FRMD5: variants seen among roughly 807,000 people sequenced by gnomAD.
FRMD5 encodes FERM domain containing 5.
Under a neutral mutation model 69.0 loss-of-function variants are expected in FRMD5, and 20 were observed. The observed-to-expected ratio is 0.29, with a 90% CI of 0.20 to 0.42. The LOEUF (loss-of-function observed/expected upper bound fraction) is 0.42. FRMD5 is among the 10% of genes least tolerant of loss of function. The pLI is 1.00. For missense variants in FRMD5, 595 were observed against 708.6 expected, an observed-to-expected ratio of 0.84 and a Z score of 1.82; for synonymous variants, 271 against 260.1, an observed-to-expected ratio of 1.04 and a Z score of -0.40.
At chr15:44,008,198 G>T (rs1449086082) in intron 1 of FRMD5, among the ~76,000 whole-genome samples, 1 of 149,252 alleles carries the variant, frequency 6.7e-6, no homozygotes, top group Non-Finnish European at 1.5e-5. Flanking sequence ...TTTCTGAAGT[G>T]CTGGGATTAC....
At chr15:44,159,110 A>G (rs77706694) in intron 1 of FRMD5, among the ~76,000 whole-genome samples, 1 of 151,826 alleles carries the variant, frequency 6.6e-6, no homozygotes, top group Non-Finnish European at 1.5e-5. Flanking sequence ...TATTCAGAGG[A>G]AAAAGACACA....
intron 1 of FRMD5, among the ~76,000 whole-genome samples, chr15:43,953,228 T>G (rs1250796990): frequency 6.6e-6 from 1 of 152,206 alleles, no homozygotes; most frequent in African/African-American, 2.4e-5. Context: ...GCTAAAGAGT[T>G]CTCAGGGCTT....
At chr15:43,999,328 A>G (rs1890076398) in intron 1 of FRMD5, among the ~76,000 whole-genome samples, 10 of 152,220 alleles carry the variant, frequency 6.6e-5, no homozygotes, top group Admixed American at 6.5e-4. Flanking sequence ...TTGGCCTCCC[A>G]AAGTGCTAGG....
intron 1 of FRMD5, among the ~76,000 whole-genome samples, chr15:44,131,100 T>A (rs957644304): frequency 3.3e-5 from 5 of 152,166 alleles, no homozygotes; most frequent in African/African-American, 7.2e-5. Flanking sequence ...CTGCCAAGGT[T>A]AGTGCTATCC....
intron 1 of FRMD5, among the ~76,000 whole-genome samples, chr15:44,121,589 C>A (rs979148160): frequency 1.3e-5 from 2 of 151,846 alleles, no homozygotes; most frequent in Admixed American, 6.6e-5. Flanking sequence ...CAAGCTTGAC[C>A]CTTTCTCTCT....
chr15:43,902,975 G>GCTCCCAT (rs1373258930), intron 6 of FRMD5, among the ~76,000 whole-genome samples: 4 of 152,188 alleles, frequency 2.6e-5, no homozygotes, highest in African/African-American at 7.2e-5. Flanking sequence ...ACAGTGCTGA[G>GCTCCCAT]CTCCCATGCT....
At chr15:44,086,785 A>G (rs1055189126) in intron 1 of FRMD5, among the ~76,000 whole-genome samples, 5 of 152,196 alleles carry the variant, frequency 3.3e-5, no homozygotes, top group African/African-American at 1.2e-4. Flanking sequence ...GAGATATTTA[A>G]AGAGTAGGAC....
chr15:43,951,107 T>G (rs2090019177), intron 1 of FRMD5, among the ~76,000 whole-genome samples: 1 of 152,156 alleles, frequency 6.6e-6, no homozygotes, highest in Non-Finnish European at 1.5e-5. Flanking sequence ...AAAAATCTGT[T>G]CTTCTACCAT....
chr15:43,875,191 T>C (rs1003302669), intron 13 of FRMD5, among the ~76,000 whole-genome samples: 15 of 151,724 alleles, frequency 9.9e-5, no homozygotes, highest in Admixed American at 2.0e-4. Flanking sequence ...AGCAAGACTC[T>C]GCCTCGGGGC....
rs1215710632 is a variant in FRMD5 at position 43,873,329 on chromosome 15, T to G, written c.*556A>C. 1.3e-6 allele frequency: 2 copies of G among 1,494,506 alleles called. No individual in the cohort carries two copies. The highest frequency in any genetic ancestry group is 2.4e-5 in the Admixed American group (1 of 41,026). 92.6% of individuals were successfully genotyped at this position (1,494,506 alleles called of 1,614,324 possible). On this transcript the variant is annotated 3_prime_UTR_variant, in exon 14 of 14. Coordinates refer to ENST00000417257, the MANE Select transcript of FRMD5 (RefSeq NM_032892.5). ...ACATGGATGTTTACTTTTTTAAAAG[T>G]TCTGGCTGGCAAAAAAAACAAACAA... is the stretch of plus-strand genomic sequence containing the variant.
intron 4 of FRMD5, chr15:43,919,215 G>A (rs781189936): frequency 3.1e-6 from 2 of 646,142 alleles, no homozygotes; most frequent in South Asian, 1.5e-5. Flanking sequence ...CCCTTTGAGA[G>A]TGACCAGTTC....
intron 1 of FRMD5, among the ~76,000 whole-genome samples, chr15:44,142,225 C>A (rs2077284862): frequency 6.6e-6 from 1 of 152,146 alleles, no homozygotes; most frequent in Non-Finnish European, 1.5e-5. Context: ...GCAATCAGTC[C>A]ATATTTTTCT....
At chr15:44,069,087 T>C (rs979529064) in intron 1 of FRMD5, among the ~76,000 whole-genome samples, 2 of 152,138 alleles carry the variant, frequency 1.3e-5, no homozygotes, top group African/African-American at 4.8e-5. Context: ...AGATGTTCAA[T>C]AACATTAGCA....
intron 1 of FRMD5, among the ~76,000 whole-genome samples, chr15:43,984,667 C>T (rs913674734): frequency 5.3e-5 from 8 of 152,146 alleles, no homozygotes; most frequent in Non-Finnish European, 1.0e-4. Flanking sequence ...TTGTATCCCA[C>T]AGGATGGAAA....
At chr15:43,900,034 T>C (rs1228369802) in intron 7 of FRMD5, among the ~76,000 whole-genome samples, 1 of 152,194 alleles carries the variant, frequency 6.6e-6, no homozygotes, top group Non-Finnish European at 1.5e-5. Context: ...TCAAGGGGAC[T>C]GGGCAGGTTT....
At chr15:43,875,384 A>ATG (rs1417908993) in intron 13 of FRMD5, among the ~76,000 whole-genome samples, 1 of 143,030 alleles carries the variant, frequency 7.0e-6, no homozygotes, top group African/African-American at 2.6e-5. Flanking sequence ...ATATATATAT[A>ATG]TATATATATG....
intron 1 of FRMD5, among the ~76,000 whole-genome samples, chr15:44,095,630 A>G (rs765579063): frequency 7.2e-5 from 11 of 151,878 alleles, no homozygotes; most frequent in Non-Finnish European, 1.5e-4. Context: ...TCTTTCTTGC[A>G]TTTTCTTACC....
chr15:43,989,471 A>C (rs1889563411), intron 1 of FRMD5: 2 of 822,544 alleles, frequency 2.4e-6, no homozygotes, highest in African/African-American at 3.3e-5. Context: ...GCTTGTAGCT[A>C]TCTCCAGGGA....
chr15:44,188,108 C>T (rs572558249), intron 1 of FRMD5, among the ~76,000 whole-genome samples: 2 of 152,188 alleles, frequency 1.3e-5, no homozygotes, highest in Admixed American at 6.5e-5. Context: ...TCCCCTAGTG[C>T]GTCAAGTTGT....
Sources: gnomAD v4.1 joint callset for allele counts (sites outside exome capture counted in the v4.1 genomes callset) on GRCh38, gnomAD v4.1.1 for gene constraint, MANE v1.5 for transcripts, NCBI Gene and HGNC (gene_info 2026-07-23, HGNC 2026-07-21) for gene names.